Variants in REV3L observed in about 807,000 individuals in gnomAD.
The protein encoded by REV3L is REV3 like, DNA directed polymerase zeta catalytic subunit, also known as DNA polymerase zeta catalytic subunit.
A neutral mutation model predicts 299.4 loss-of-function variants in REV3L; 69 were observed. The ratio of observed to expected loss-of-function variants is 0.23; its 90% CI spans 0.19 to 0.28. The LOEUF (loss-of-function observed/expected upper bound fraction) is 0.28. Ranked by LOEUF, REV3L falls within the 10% of genes least tolerant of loss-of-function variation. The probability of loss-of-function intolerance (pLI) is 1.00; values close to 1 mark genes in which losing one functional copy is unlikely to be tolerated. For missense variants in REV3L, 3,128 were observed against 3,693.8 expected, an observed-to-expected ratio of 0.85 and a Z score of 3.97; for synonymous variants, 1,238 against 1,271.4, an observed-to-expected ratio of 0.97 and a Z score of 0.56.
At chr6:111,442,137 G>A (rs1470479121) in intron 1 of REV3L, among the ~76,000 whole-genome samples, 1 of 152,178 alleles carries the variant, frequency 6.6e-6, no homozygotes, top group Non-Finnish European at 1.5e-5. Flanking sequence ...TATTAGGTAG[G>A]TGTAGGGTTC....
rs1772454119 is a variant in REV3L at position 111,307,536 on chromosome 6, G to A, written c.9077C>T (p.Pro3026Leu). 6.2e-7 allele frequency: 1 copy of A among 1,614,074 alleles called. No homozygotes were observed. Among genetic ancestry groups the A allele is most frequent in the African/African-American group, 1.3e-5 (1 of 74,928 alleles). ...TGAAATAGTGCCTTTCCGCCCTTCA[G>A]GTTCACTTCGCGAGGAGCTGGTAGC... ...HKATSSSRSE[P>L]EGRKGTISQY... The change falls in exon 31 of 32, where the codon CCT (proline) becomes CTT (leucine). Residue 3026 changes from proline to leucine, a missense_variant. By Grantham distance (98) the Pro-to-Leu change is moderately conservative. Transcript: ENST00000368802.
intron 25 of REV3L, among the ~76,000 whole-genome samples, 170 bp from the exon 26 acceptor site, chr6:111,322,848 C>T (rs1018761148): frequency 3.9e-5 from 6 of 152,118 alleles, no homozygotes; most frequent in African/African-American, 1.4e-4. Flanking sequence ...TCTACAAGTA[C>T]TCAAGAAGAA....
intron 4 of REV3L, among the ~76,000 whole-genome samples, chr6:111,404,608 G>GCT (rs980920273): frequency 9.2e-5 from 14 of 152,316 alleles, no homozygotes; most frequent in Non-Finnish European, 1.5e-4. Flanking sequence ...GCTCTAGGCT[G>GCT]CTCTGGTCTG....
chr6:111,347,234 A>C (rs554910216), intron 20 of REV3L, among the ~76,000 whole-genome samples: 1 of 152,146 alleles, frequency 6.6e-6, no homozygotes, highest in East Asian at 1.9e-4. Flanking sequence ...GCACCACTGC[A>C]CTCCATTCTG....
Position 111,375,440 on chromosome 6 carries a change from G to T in REV3L, c.2915C>A (p.Pro972His). ...AATAATATACTTTATGATGACAGGG[G>T]GCAGCTTTTTAGACATTTTTCTTCG... ...RKRRKMSKKL[P>H]PVIIKYIIIN... Residue 972 changes from proline (P) to histidine (H), a missense_variant, in exon 13 of 32, where the codon CCC becomes CAC. Physicochemically the swap from Pro to His is moderately conservative, Grantham distance 77. This residue lies in a region of REV3L where 2,409 missense variants were observed against 2,611.8 expected (regional missense o/e 0.92). Coordinates refer to ENST00000368802, the MANE Select transcript of REV3L (RefSeq NM_001372078.1). 6.2e-7 allele frequency: 1 copy of T among 1,600,126 alleles called. No individual in the cohort carries two copies. Among genetic ancestry groups the T allele is most frequent in the Non-Finnish European group, 8.5e-7 (1 of 1,176,072 alleles).
chr6:111,437,222 A>T (rs1368992405), intron 1 of REV3L, among the ~76,000 whole-genome samples: 1 of 152,190 alleles, frequency 6.6e-6, no homozygotes, highest in East Asian at 1.9e-4. Flanking sequence ...TATGACCAGC[A>T]ATTCTACTCC....
intron 2 of REV3L, chr6:111,411,852 C>T (rs1017425608): frequency 1.2e-5 from 4 of 334,520 alleles, no homozygotes; most frequent in African/African-American, 8.9e-5. Flanking sequence ...ACAAACCATC[C>T]ACCCCTTAAT....
chr6:111,318,428 AG>A (rs1167485670), intron 26 of REV3L, among the ~76,000 whole-genome samples: 1 of 151,808 alleles, frequency 6.6e-6, no homozygotes, highest in Non-Finnish European at 1.5e-5. Context: ...GTGCCCGGCC[AG>A]GTTTTCTTTT....
chr6:111,414,187 A>T (rs1784535313), intron 2 of REV3L, among the ~76,000 whole-genome samples: 1 of 152,158 alleles, frequency 6.6e-6, no homozygotes, highest in Admixed American at 6.5e-5. Flanking sequence ...AGAATAATAA[A>T]AACAGTAATA....
At chr6:111,311,539 A>C in intron 28 of REV3L, 2 of 226,224 alleles carry the variant, frequency 8.8e-6, no homozygotes, top group Non-Finnish European at 1.7e-5. Flanking sequence ...AACATAAAAC[A>C]CGTTAAGTTT....
chr6:111,321,336 T>G (rs1432452646), intron 26 of REV3L, among the ~76,000 whole-genome samples: 2 of 152,364 alleles, frequency 1.3e-5, no homozygotes, highest in South Asian at 4.1e-4. Context: ...AGAATCATGC[T>G]GACTTCTGGG....
intron 21 of REV3L, among the ~76,000 whole-genome samples, chr6:111,340,634 AATCAAAAGGGGTTACC>A (rs1776383269): frequency 1.3e-5 from 2 of 152,142 alleles, no homozygotes; most frequent in African/African-American, 4.8e-5. Flanking sequence ...AGCAAATGGA[AATCAAAAGGGGTTACC>A]ATACCTACCA....
At chr6:111,430,360 T>C in intron 1 of REV3L, 1 of 1,238,630 alleles carries the variant, frequency 8.1e-7, no homozygotes, top group Non-Finnish European at 1.2e-6. Flanking sequence ...CCCAATGGAT[T>C]TTAAATGAAA....
chr6:111,390,380 C>A (rs1312121817), intron 5 of REV3L, among the ~76,000 whole-genome samples, 200 bp from the exon 6 acceptor site: 1 of 152,020 alleles, frequency 6.6e-6, no homozygotes, highest in African/African-American at 2.4e-5. Flanking sequence ...ACATATTATA[C>A]TGACTACCCT....
rs55683614 is a variant in REV3L, at chr6:111,405,381, T to C, written c.565+89A>G. On this transcript the variant is annotated intron_variant, in intron 4 of 31. Transcript: ENST00000368802. ...TCACTCAACATTTATTTTCTAAATA[T>C]ATATTATTTTATAAATCACTGACTA... The C allele has an allele frequency of 6.3e-4, 451 of 717,126 alleles. 2 individuals carry two copies. The highest frequency in any genetic ancestry group is 2.4e-3 in the Middle Eastern group (6 of 2,460). 44.4% of individuals were successfully genotyped at this position (717,126 alleles called of 1,614,324 possible). A position where few individuals can be genotyped will look rare whatever the true frequency, so the allele number is the denominator to read the frequency against.
chr6:111,411,337 C>T, intron 3 of REV3L, 143 bp downstream of exon 3: 1 of 592,610 alleles, frequency 1.7e-6, no homozygotes, highest in Non-Finnish European at 3.0e-6. Context: ...CCACTGGTCT[C>T]TCTCTATACA....
At chr6:111,301,351 T>A (rs993494376) in intron 31 of REV3L, among the ~76,000 whole-genome samples, 3 of 152,178 alleles carry the variant, frequency 2.0e-5, no homozygotes, top group African/African-American at 7.2e-5. Flanking sequence ...TGTTGTGATA[T>A]TTTACTGCCT....
chr6:111,383,390 C>T (rs1293171714), intron 9 of REV3L, among the ~76,000 whole-genome samples: 1 of 152,050 alleles, frequency 6.6e-6, no homozygotes, highest in Non-Finnish European at 1.5e-5. Flanking sequence ...CTATAGACTC[C>T]ACCAAAAAAC....
chr6:111,417,367 G>A (rs772299569), intron 1 of REV3L, among the ~76,000 whole-genome samples: 30 of 152,212 alleles, frequency 2.0e-4, no homozygotes, highest in Non-Finnish European at 3.8e-4. Flanking sequence ...CTGTATGGAA[G>A]TGGTTACTGT....
Sources: allele counts gnomAD v4.1 joint callset (sites outside exome capture counted in the v4.1 genomes callset), GRCh38; gene constraint gnomAD v4.1.1; regional missense constraint gnomAD v4.1.1; transcripts MANE v1.5; gene names NCBI Gene and HGNC (gene_info 2026-07-23, HGNC 2026-07-21).